The following SPTBN2 variants were observed in gnomAD, a reference collection of about 807,000 sequenced individuals.
The protein encoded by SPTBN2 is spectrin beta chain, non-erythrocytic 2.
Under a neutral mutation model 284.2 loss-of-function variants are expected in SPTBN2, and 107 were observed. The observed-to-expected ratio is 0.38, with a 90% CI of 0.32 to 0.44. SPTBN2 has a LOEUF of 0.44. Among genes scored for constraint, SPTBN2 ranks in the 20% least tolerant of loss-of-function variants. The probability of loss-of-function intolerance (pLI) is 1.00; values close to 1 mark genes in which losing one functional copy is unlikely to be tolerated. For synonymous variants in SPTBN2, 1,289 were observed against 1,354.8 expected (o/e 0.95, Z 1.07); for missense variants, 2,569 against 3,287.1 (o/e 0.78, Z 5.34).
At chr11:66,697,239 C>T (rs1179108256) in intron 20 of SPTBN2, among the ~76,000 whole-genome samples, 1 of 152,138 alleles carries the variant, frequency 6.6e-6, no homozygotes, top group Non-Finnish European at 1.5e-5. Flanking sequence ...CTCCACCCCC[C>T]TACTGATCAT....
In SPTBN2 at chr11:66,708,799, A is replaced by G. The variant is rs71457737; in HGVS notation, c.1191+103T>C. The G allele has an allele frequency of 1.4e-5, 13 of 927,922 alleles. No individual in the cohort carries two copies. The highest frequency in any genetic ancestry group is 2.2e-5 in the Non-Finnish European group (13 of 577,882). The allele number at this position is 927,922 out of a possible 1,614,324, so 57.5% of individuals were successfully genotyped here. ...GTTTCAAGTTGGGGCAGCAGATAGT[A>G]GAACTTGGTGAAGGTCGACATGGCC... On this transcript the variant is annotated intron_variant, in intron 11 of 37. Transcript: ENST00000533211. The surrounding 1 kb of genome is among the most constrained non-coding windows in gnomAD (Gnocchi z 4.4).
chr11:66,692,902 T>G, intron 25 of SPTBN2, 68 bp downstream of exon 25: 1 of 1,597,618 alleles, frequency 6.3e-7, no homozygotes, highest in East Asian at 2.2e-5. Context: ...GGCTCCACAT[T>G]CCCTGCACCT....
chr11:66,686,709 C>T, intron 36 of SPTBN2: 1 of 629,456 alleles, frequency 1.6e-6, no homozygotes, highest in Non-Finnish European at 2.8e-6. Flanking sequence ...AGGGACAGGC[C>T]CCTGGAGGTC....
At position 66,715,142 on chromosome 11, in the gene SPTBN2, G is replaced by T; in HGVS notation, c.483+80C>A. ...TAGATCCTCCATCTTTGTGTTTGTT[G>T]TGTCATGGGCCAGCAGGAACGGCTT... On this transcript the variant is annotated intron_variant, in intron 5 of 37. Transcript: ENST00000533211. This position sits in a 1 kb window ranked among gnomAD's most constrained non-coding sequence, Gnocchi z 5.3. The T allele has an allele frequency of 6.4e-7, 1 of 1,569,180 alleles. No homozygotes were observed. The highest frequency in any genetic ancestry group is 8.8e-7 in the Non-Finnish European group (1 of 1,141,614).
In SPTBN2 at chr11:66,688,697, C is replaced by G; in HGVS notation, c.6187G>C (p.Val2063Leu). Residue 2063 changes from valine (V) to leucine (L), a missense_variant, in exon 31 of 38, where the codon GTG (valine) becomes CTG (leucine). Val to Leu is a conservative substitution (Grantham distance 32). Coordinates refer to ENST00000533211, the MANE Select transcript of SPTBN2 (RefSeq NM_006946.4). Reference protein sequence around the residue: ...KRHEAFQKSAVAWEERFCALE... With the variant: ...KRHEAFQKSALAWEERFCALE... Reference sequence around the variant, plus strand: ...GCACAGAATCGCTCCTCCCAGGCCACTGCTGACTTCTGGAAGGCCTCGTGC... The same window carrying G: ...GCACAGAATCGCTCCTCCCAGGCCAGTGCTGACTTCTGGAAGGCCTCGTGC... 1 of 1,614,022 alleles carries G rather than the reference C, an allele frequency of 6.2e-7. No individual in the cohort carries two copies. The highest frequency in any genetic ancestry group is 8.5e-7 in the Non-Finnish European group (1 of 1,180,022).
At chr11:66,717,889 C>A (rs546464258) in intron 3 of SPTBN2, among the ~76,000 whole-genome samples, 11 of 152,352 alleles carry the variant, frequency 7.2e-5, no homozygotes, top group African/African-American at 2.6e-4. Context: ...AGTGAACACA[C>A]ACCTGCGCAG....
At chr11:66,716,087 CG>C in intron 3 of SPTBN2, 106 bp from the exon 4 acceptor site, 2 of 1,490,102 alleles carry the variant, frequency 1.3e-6, no homozygotes, top group South Asian at 1.2e-5. Flanking sequence ...AGATGGGAAG[CG>C]GGGTCCTCTA....
chr11:66,726,224 G>C (rs1034760265), intron 1 of SPTBN2, among the ~76,000 whole-genome samples: 9 of 152,168 alleles, frequency 5.9e-5, no homozygotes, highest in Non-Finnish European at 1.2e-4. Flanking sequence ...GAATGAACAC[G>C]GGATTGGAGA....
chr11:66,712,277 G>A (rs924204404), intron 8 of SPTBN2, among the ~76,000 whole-genome samples: 4 of 152,196 alleles, frequency 2.6e-5, no homozygotes, highest in South Asian at 2.1e-4. Context: ...AGTCAGGCGC[G>A]GGGGCTCACA....
chr11:66,716,226 G>C (rs1942140312), intron 3 of SPTBN2, among the ~76,000 whole-genome samples: 1 of 152,224 alleles, frequency 6.6e-6, no homozygotes, highest in Admixed American at 6.5e-5. Context: ...GCTCATGCCT[G>C]TAATCCCAGC....
At position 66,701,630 on chromosome 11, in the gene SPTBN2, G is replaced by C. The variant is rs1295894623; in HGVS notation, c.2770C>G (p.Pro924Ala). 11 of 1,613,960 alleles carry C rather than the reference G, an allele frequency of 6.8e-6. No homozygotes were observed. Among genetic ancestry groups the C allele is most frequent in the Non-Finnish European group, 9.3e-6 (11 of 1,180,038 alleles). Residue 924 changes from proline (P) to alanine (A), a missense_variant, in exon 16 of 38, where the codon CCA becomes GCA. Pro to Ala is a conservative substitution (Grantham distance 27). Around this residue, in one of 6 missense-constraint regions of SPTBN2, gnomAD observed 1,012 missense variants for 1,248.9 expected, o/e 0.81. Coordinates refer to ENST00000533211, the MANE Select transcript of SPTBN2 (RefSeq NM_006946.4). Reference sequence around the variant, plus strand: ...GTGTTGACAATGCGGTCTTTGCCTGGGGGGTTGGCCTTCAGTAACTGCTCG... The same window carrying C: ...GTGTTGACAATGCGGTCTTTGCCTGCGGGGTTGGCCTTCAGTAACTGCTCG... ...IAEQLLKANP[P>A]GKDRIVNTQE...
rs199930909 is a variant in SPTBN2 at position 66,690,147 on chromosome 11, T to C, written c.5702A>G (p.Gln1901Arg). The change falls in exon 28 of 38, where the codon CAG becomes CGG. Residue 1901 changes from glutamine (Q) to arginine (R), a missense_variant. Physicochemically the swap from Gln to Arg is conservative, Grantham distance 43. Transcript: ENST00000533211. ...QLQGSSAARR[Q>R]LLLDTTDKFR... The stretch of plus-strand genomic sequence containing the variant: ...CTTGTCTGTGGTGTCCAGCAGCAGC[T>C]GCCGGCGGGCGGCAGAGCTTCCCTG... The C allele has an allele frequency of 3.1e-6, 5 of 1,614,080 alleles. No homozygotes were observed. Among genetic ancestry groups the C allele is most frequent in the Non-Finnish European group, 4.2e-6 (5 of 1,180,046 alleles).
chr11:66,707,865 C>A lies in SPTBN2; in HGVS notation c.1351-47G>T. The stretch of plus-strand genomic sequence containing the variant: ...GAGGTGTGGGGACCAAGGGACAGTG[C>A]CTCTGCCTGCTCCTCTGTCCTGCAG... On this transcript the variant is annotated intron_variant, in intron 12 of 37. Transcript: ENST00000533211. This position sits in a 1 kb window ranked among gnomAD's most constrained non-coding sequence, Gnocchi z 4.9. 6.3e-7 allele frequency: 1 copy of A among 1,594,634 alleles called. No homozygotes were observed. The highest frequency in any genetic ancestry group is 8.5e-7 in the Non-Finnish European group (1 of 1,175,126).
upstream of SPTBN2, among the ~76,000 whole-genome samples, chr11:66,733,424 G>A (rs905510353): frequency 6.6e-6 from 1 of 152,006 alleles, no homozygotes; most frequent in Non-Finnish European, 1.5e-5. Flanking sequence ...CAGGGGTGGT[G>A]GTGAGGAAAA....
intron 1 of SPTBN2, among the ~76,000 whole-genome samples, chr11:66,725,833 T>C (rs779872489): frequency 6.6e-6 from 1 of 152,164 alleles, no homozygotes; most frequent in Non-Finnish European, 1.5e-5. Flanking sequence ...CTCTTTCAGC[T>C]GACATGTTAA....
chr11:66,699,188 G>A (rs986009395), intron 18 of SPTBN2, 106 bp from the exon 19 acceptor site: 18 of 1,434,266 alleles, frequency 1.3e-5, no homozygotes, highest in South Asian at 3.6e-5. Context: ...AACGCCTTCC[G>A]GGAGCACAAT....
At chr11:66,724,761 G>C (rs939304243) in intron 1 of SPTBN2, among the ~76,000 whole-genome samples, 19 of 152,274 alleles carry the variant, frequency 1.2e-4, no homozygotes, top group Admixed American at 3.3e-4. Context: ...AATGATGGAA[G>C]CCAGAAAGGT....
intron 22 of SPTBN2, 51 bp downstream of exon 22, chr11:66,694,088 G>C (rs1940749237): frequency 6.3e-7 from 1 of 1,592,904 alleles, no homozygotes; most frequent in Admixed American, 1.7e-5. Context: ...AGGGAGGCTG[G>C]AGAACCACAT....
intron 37 of SPTBN2, 134 bp downstream of exon 37, chr11:66,686,264 G>A (rs767058197): frequency 5.0e-6 from 7 of 1,413,352 alleles, no homozygotes; most frequent in South Asian, 3.4e-5. Context: ...GGCCTGGTGC[G>A]GCCGTCGCAC....
Sources: allele counts gnomAD v4.1 joint callset (sites outside exome capture counted in the v4.1 genomes callset), GRCh38; gene constraint gnomAD v4.1.1; regional missense constraint gnomAD v4.1.1; non-coding constraint Gnocchi (gnomAD v3.1); transcripts MANE v1.5; gene names NCBI Gene and HGNC (gene_info 2026-07-23, HGNC 2026-07-21).